The following TFB1M variants were observed in gnomAD, a reference collection of about 807,000 sequenced individuals.
The protein encoded by TFB1M is transcription factor B1, mitochondrial, also known as dimethyladenosine transferase 1, mitochondrial.
TFB1M carries 27 observed loss-of-function variants against 31.1 expected under a neutral mutation model. That is an observed-to-expected ratio of 0.87 (90% CI 0.64 to 1.20). The LOEUF is 1.20. TFB1M is among the 50% of genes most tolerant of loss of function. The pLI, the probability that TFB1M is intolerant of heterozygous loss-of-function variation, is 0.00. For missense variants in TFB1M, 394 were observed against 418.7 expected, an observed-to-expected ratio of 0.94 and a Z score of 0.51; for synonymous variants, 166 against 151.8, an observed-to-expected ratio of 1.09 and a Z score of -0.69.
At chr6:155,277,785 G>A (rs983107192) in intron 5 of TFB1M, among the ~76,000 whole-genome samples, 1 of 152,152 alleles carries the variant, frequency 6.6e-6, no homozygotes, top group African/African-American at 2.4e-5. Flanking sequence ...ATACACAAGT[G>A]TCATACTAAA....
chr6:155,251,831 T>A, downstream of TFB1M: 1 of 781,812 alleles, frequency 1.3e-6, no homozygotes, highest in Non-Finnish European at 2.1e-6. Flanking sequence ...CAGAGTGAGG[T>A]CTTAGAGACT....
chr6:155,275,505 G>A, intron 5 of TFB1M: 1 of 519,066 alleles, frequency 1.9e-6, no homozygotes. Flanking sequence ...CATCTGCTTG[G>A]GGGCTGGAGA....
rs769961438 is a variant in TFB1M, at chr6:155,314,309, G to A, written c.120C>T (p.Asp40=). 4.3e-6 allele frequency: 7 copies of A among 1,614,040 alleles called. No individual in the cohort carries two copies. Among genetic ancestry groups the A allele is most frequent in the Middle Eastern group, 1.6e-4 (1 of 6,080 alleles). The change falls in exon 1 of 7, where the codon GAC becomes GAT. Residue 40 remains aspartate, a synonymous_variant. Coordinates refer to ENST00000367166, the MANE Select transcript of TFB1M (RefSeq NM_016020.4). ...TAAGCCATCCACCTGTCAGCCTCAA[G>A]TCCAGGAGGAAATTCTGTGATAGCT... The part of the protein sequence containing the change: ...AKQLSQNFLL[D]LRLTDKIVRK...
the TFB1M span, among the ~76,000 whole-genome samples, chr6:155,246,280 A>G: frequency 1.3e-5 from 2 of 152,090 alleles, no homozygotes; most frequent in Non-Finnish European, 2.9e-5. Context: ...GTGCTCATTC[A>G]TGTCCACGGA....
At chr6:155,248,139 C>T in the TFB1M span, 1 of 1,614,116 alleles carries the variant, frequency 6.2e-7, no homozygotes, top group Non-Finnish European at 8.5e-7. Context: ...AGCTGGTGTC[C>T]CTGACGGACC....
rs983979707 is a variant in TFB1M at position 155,257,979 on chromosome 6, A to G, written c.898T>C (p.Phe300Leu). 6.2e-7 allele frequency: 1 copy of G among 1,614,200 alleles called. No homozygotes were observed. Among genetic ancestry groups the G allele is most frequent in the Non-Finnish European group, 8.5e-7 (1 of 1,180,038 alleles). Residue 300 changes from phenylalanine to leucine, a missense_variant, in exon 7 of 7, where the codon TTT becomes CTT. Phe to Leu is a conservative substitution (Grantham distance 22). Coordinates refer to ENST00000367166, the MANE Select transcript of TFB1M (RefSeq NM_016020.4). ...LRPRQLSISH[F>L]KSLCDVYRKM... Reference sequence around the variant, plus strand: ...CTGTATACATCACAGAGGCTCTTAAAGTGTGAGATGGAGAGCTGGCGGGGC... The same window carrying G: ...CTGTATACATCACAGAGGCTCTTAAGGTGTGAGATGGAGAGCTGGCGGGGC...
chr6:155,250,022 T>C, the TFB1M span: 1 of 1,384,730 alleles, frequency 7.2e-7, no homozygotes, highest in Non-Finnish European at 1.0e-6. Flanking sequence ...GTGGGGTCTG[T>C]AGGTGACCTT....
chr6:155,292,477 G>A (rs1354688178), intron 4 of TFB1M, among the ~76,000 whole-genome samples: 1 of 152,162 alleles, frequency 6.6e-6, no homozygotes, highest in East Asian at 1.9e-4. Flanking sequence ...AAGAGGCCTT[G>A]TAACATGCAG....
intron 5 of TFB1M, among the ~76,000 whole-genome samples, chr6:155,267,133 C>A (rs962105819): frequency 1.3e-4 from 20 of 151,872 alleles, no homozygotes; most frequent in African/African-American, 4.8e-4. Context: ...TGGCACCACA[C>A]CCGGCCAATT....
chr6:155,255,678 CAG>C (rs1458690138), downstream of TFB1M: 1 of 152,032 alleles, frequency 6.6e-6, no homozygotes, highest in Non-Finnish European at 1.5e-5. Context: ...GAAATTCCAG[CAG>C]AGACAGTTCT....
chr6:155,250,340 C>G, the TFB1M span, among the ~76,000 whole-genome samples: 2 of 142,732 alleles, frequency 1.4e-5, no homozygotes, highest in South Asian at 4.5e-4. Flanking sequence ...TACCTGCTTA[C>G]TTATAAAACT....
At chr6:155,262,587 GA>G (rs1784439841) in intron 5 of TFB1M, among the ~76,000 whole-genome samples, 1 of 152,128 alleles carries the variant, frequency 6.6e-6, no homozygotes, top group African/African-American at 2.4e-5. Flanking sequence ...GTCTCCAGAA[GA>G]AATACTCTTA....
intron 5 of TFB1M, chr6:155,276,134 T>C (rs1280363567): frequency 1.3e-5 from 21 of 1,614,028 alleles, no homozygotes; most frequent in Admixed American, 3.3e-5. Context: ...GACAGTGTGG[T>C]ACACAAAGGA....
chr6:155,276,301 C>T lies in TFB1M; in HGVS notation c.666+8857G>A, dbSNP rs138139364. On this transcript the variant is annotated intron_variant, in intron 5 of 6. Coordinates refer to ENST00000367166, the MANE Select transcript of TFB1M (RefSeq NM_016020.4). ...TAAAAAGGAATCCAGAAGCTAGACT[C>T]GACCCACCCACACAGCAGCCTATCT... The T allele has an allele frequency of 1.5e-4, 247 of 1,613,892 alleles. 2 individuals carry two copies. In the Middle Eastern group the frequency reaches 1.8e-3, roughly 12 times the overall value.
chr6:155,234,649 C>T, the TFB1M span, among the ~76,000 whole-genome samples: 1 of 152,224 alleles, frequency 6.6e-6, no homozygotes, highest in Non-Finnish European at 1.5e-5. Flanking sequence ...AAGTGATCCA[C>T]CTGCCTCATT....
At chr6:155,308,268 C>T (rs1777872437) in intron 2 of TFB1M, among the ~76,000 whole-genome samples, 1 of 152,186 alleles carries the variant, frequency 6.6e-6, no homozygotes, top group Non-Finnish European at 1.5e-5. Context: ...AGTTGGAAAA[C>T]ACCCCAATGT....
intron 5 of TFB1M, among the ~76,000 whole-genome samples, chr6:155,266,576 G>A (rs932538725): frequency 6.6e-6 from 1 of 152,082 alleles, no homozygotes; most frequent in Non-Finnish European, 1.5e-5. Context: ...GCTGGGCGCT[G>A]TGGCTCACAC....
chr6:155,261,655 G>A (rs146627493), intron 5 of TFB1M, among the ~76,000 whole-genome samples: 9 of 152,238 alleles, frequency 5.9e-5, no homozygotes, highest in East Asian at 3.9e-4. Context: ...TCAAGGCCCC[G>A]GACCCCTGAG....
downstream of TFB1M, chr6:155,251,803 T>G: frequency 1.5e-6 from 1 of 669,090 alleles, no homozygotes; most frequent in East Asian, 2.8e-5. Flanking sequence ...GGAAGTACCA[T>G]TTATTCACTC....
Sources: gnomAD v4.1 joint callset for allele counts (sites outside exome capture counted in the v4.1 genomes callset) on GRCh38, gnomAD v4.1.1 for gene constraint, MANE v1.5 for transcripts, NCBI Gene and HGNC (gene_info 2026-07-23, HGNC 2026-07-21) for gene names.